CSMD1: variants seen among roughly 807,000 people sequenced by gnomAD.
CSMD1 encodes the protein CUB and sushi domain-containing protein 1.
CSMD1 carries 213 observed loss-of-function variants against 417.5 expected under a neutral mutation model. The observed-to-expected ratio is 0.51, with a 90% CI of 0.46 to 0.57. The LOEUF (loss-of-function observed/expected upper bound fraction) is 0.57, where lower values mean the gene tolerates loss of function less well. Ranked by LOEUF, CSMD1 falls within the 20% of genes least tolerant of loss-of-function variation. CSMD1 has a pLI of 0.00. For missense variants in CSMD1, 6,923 were observed against 4,529.7 expected, an observed-to-expected ratio of 1.53 and a Z score of -15.17; for synonymous variants, 2,862 against 1,736.8, an observed-to-expected ratio of 1.65 and a Z score of -16.11.
At chr8:3,717,699 T>A (rs2623559) in intron 6 of CSMD1, among the ~76,000 whole-genome samples, 54,381 of 151,950 alleles carry the variant, frequency 0.36, 10,283 homozygotes, top group East Asian at 0.5. Flanking sequence ...TGAAGACACT[T>A]AATATTGGTA....
At chr8:4,648,906 T>TC (rs1373179530) in intron 1 of CSMD1, among the ~76,000 whole-genome samples, 1 of 152,202 alleles carries the variant, frequency 6.6e-6, no homozygotes, top group Non-Finnish European at 1.5e-5. Flanking sequence ...CTTCCGCATA[T>TC]ACGTAAATCA....
intron 54 of CSMD1, among the ~76,000 whole-genome samples, chr8:2,988,883 T>C (rs760658041): frequency 1.3e-5 from 2 of 152,136 alleles, no homozygotes; most frequent in Non-Finnish European, 2.9e-5. Flanking sequence ...GTGGATGTTG[T>C]AGAAATCTGT....
At chr8:4,107,403 A>G (rs1401737667) in intron 3 of CSMD1, among the ~76,000 whole-genome samples, 1 of 152,228 alleles carries the variant, frequency 6.6e-6, no homozygotes, top group Admixed American at 6.5e-5. Flanking sequence ...CACTCGCTCC[A>G]CAGCAGAAAA....
intron 5 of CSMD1, among the ~76,000 whole-genome samples, chr8:3,882,106 C>T (rs960157583): frequency 6.6e-6 from 1 of 151,764 alleles, no homozygotes; most frequent in African/African-American, 2.4e-5. Flanking sequence ...CTGGTCAAAC[C>T]ATTAGCCAGA....
intron 2 of CSMD1, among the ~76,000 whole-genome samples, chr8:4,471,965 C>T (rs911018828): frequency 1.3e-5 from 2 of 152,062 alleles, no homozygotes; most frequent in Non-Finnish European, 2.9e-5. Flanking sequence ...AATAGGAAGC[C>T]TTCTAAGCGA....
At chr8:3,879,107 T>C (rs756534315) in intron 5 of CSMD1, among the ~76,000 whole-genome samples, 5 of 152,200 alleles carry the variant, frequency 3.3e-5, no homozygotes, top group Admixed American at 6.5e-5. Context: ...AGTCATCTTC[T>C]TGAATCTTAG....
intron 3 of CSMD1, among the ~76,000 whole-genome samples, chr8:4,389,603 G>T (rs901902541): frequency 3.3e-5 from 5 of 152,100 alleles, no homozygotes; most frequent in Non-Finnish European, 7.4e-5. Context: ...TTCAAGTGAA[G>T]TCAAACTTCT....
chr8:3,242,041 C>A (rs968547806), intron 26 of CSMD1, among the ~76,000 whole-genome samples: 2 of 74,590 alleles, frequency 2.7e-5, no homozygotes, highest in African/African-American at 4.0e-5. Context: ...ATGAACTGGG[C>A]TGGATTTTTA....
intron 8 of CSMD1, among the ~76,000 whole-genome samples, chr8:3,592,942 A>G (rs1269124540): frequency 1.3e-5 from 2 of 152,206 alleles, no homozygotes; most frequent in Admixed American, 1.3e-4. Flanking sequence ...GAGTTGCCCA[A>G]ACAGCAAAGG....
At chr8:2,985,137 A>G (rs558034496) in intron 54 of CSMD1, among the ~76,000 whole-genome samples, 1 of 152,322 alleles carries the variant, frequency 6.6e-6, no homozygotes, top group Admixed American at 6.5e-5. Flanking sequence ...CACAATTTTT[A>G]TGTCACAAAA....
At chr8:3,984,704 C>CAT (rs59669026) in intron 5 of CSMD1, among the ~76,000 whole-genome samples, 1,100 of 82,692 alleles carry the variant, frequency 0.013, 83 homozygotes, top group Middle Eastern at 0.021. Context: ...GTGTATATAT[C>CAT]ATATATATAT....
intron 3 of CSMD1, among the ~76,000 whole-genome samples, chr8:4,416,014 T>C (rs1188830946): frequency 6.6e-6 from 1 of 152,194 alleles, no homozygotes; most frequent in Admixed American, 6.5e-5. Flanking sequence ...GTGATAATAA[T>C]AGATCACCTT....
At chr8:4,597,585 T>G (rs1282937440) in intron 2 of CSMD1, among the ~76,000 whole-genome samples, 1 of 151,956 alleles carries the variant, frequency 6.6e-6, no homozygotes, top group Non-Finnish European at 1.5e-5. Flanking sequence ...AAAAAAGAAA[T>G]AAAACACAGA....
At chr8:4,279,735 G>A (rs1409170547) in intron 3 of CSMD1, among the ~76,000 whole-genome samples, 1 of 152,140 alleles carries the variant, frequency 6.6e-6, no homozygotes, top group African/African-American at 2.4e-5. Context: ...TTTCAATGCA[G>A]CATTTCTAAT....
Position 3,833,978 on chromosome 8 carries a change from C to T in CSMD1, c.819-79936G>A, listed in dbSNP as rs78053211. Among the ~76,000 whole-genome samples the T allele has an allele frequency of 3.2e-3, 485 of 152,206 alleles. 3 individuals are homozygous for T. The highest frequency in any genetic ancestry group is 0.011 in the African/African-American group (443 of 41,548). Reference sequence around the variant, plus strand: ...ATTCTTTCAATTCACCTTTCCTATACGGTTTGAACACCACTTTTCAGGTGA... The same window carrying T: ...ATTCTTTCAATTCACCTTTCCTATATGGTTTGAACACCACTTTTCAGGTGA... On this transcript the variant is annotated intron_variant, in intron 5 of 69. Transcript: ENST00000635120.
intron 8 of CSMD1, among the ~76,000 whole-genome samples, chr8:3,611,190 A>G (rs1335510389): frequency 1.3e-5 from 2 of 151,918 alleles, no homozygotes; most frequent in African/African-American, 2.4e-5. Flanking sequence ...TACGTAACTA[A>G]CCTGCACATT....
intron 2 of CSMD1, among the ~76,000 whole-genome samples, chr8:4,577,831 A>G (rs1050161402): frequency 6.6e-6 from 1 of 152,190 alleles, no homozygotes; most frequent in Admixed American, 6.5e-5. Context: ...TTGGCCTTGC[A>G]TTTTCCCTGG....
intron 11 of CSMD1, among the ~76,000 whole-genome samples, chr8:3,479,875 T>A (rs954689578): frequency 2.0e-5 from 3 of 152,078 alleles, no homozygotes; most frequent in Admixed American, 6.5e-5. Flanking sequence ...AAAAAAACGA[T>A]AAATCTAAGT....
At chr8:4,898,697 G>A (rs1282626254) in intron 1 of CSMD1, among the ~76,000 whole-genome samples, 1 of 151,982 alleles carries the variant, frequency 6.6e-6, no homozygotes, top group Non-Finnish European at 1.5e-5. Flanking sequence ...AAAACGAAAT[G>A]GAATAGATTT....
Sources: allele counts gnomAD v4.1 joint callset (sites outside exome capture counted in the v4.1 genomes callset), GRCh38; gene constraint gnomAD v4.1.1; transcripts MANE v1.5; gene names NCBI Gene and HGNC (gene_info 2026-07-23, HGNC 2026-07-21).